The following PRR14L variants were observed in gnomAD, a reference collection of about 807,000 sequenced individuals.
PRR14L encodes protein PRR14L.
Under a neutral mutation model 155.0 loss-of-function variants are expected in PRR14L, and 80 were observed. That is an observed-to-expected ratio of 0.52 (90% CI 0.43 to 0.62). The LOEUF (loss-of-function observed/expected upper bound fraction) is 0.62, where lower values mean the gene tolerates loss of function less well. PRR14L is among the 20% of genes least tolerant of loss of function. PRR14L has a pLI of 0.00. For synonymous variants in PRR14L, 883 were observed against 916.0 expected (o/e 0.96, Z 0.65); for missense variants, 2,469 against 2,548.0 (o/e 0.97, Z 0.67).
chr22:31,735,028 T>C (rs1435917058), intron 2 of PRR14L, among the ~76,000 whole-genome samples: 1 of 152,266 alleles, frequency 6.6e-6, no homozygotes, highest in African/African-American at 2.4e-5. Context: ...GAGATCACTT[T>C]TTGAAACTGA....
chr22:31,712,582 G>C lies in PRR14L; in HGVS notation c.5257C>G (p.Leu1753Val), dbSNP rs1306155004. The change falls in exon 4 of 9, where the codon CTC becomes GTC. Residue 1753 changes from leucine (L) to valine (V), a missense_variant. By Grantham distance (32) the Leu-to-Val change is conservative. This residue lies in a region of PRR14L where 2,363 missense variants were observed against 2,371.6 expected (regional missense o/e 1.00). Transcript: ENST00000327423. The part of the protein sequence containing the change: ...APARLALGEA[L>V]QCPSQPPKWT... ...TTGGGAGGTTGAGACGGGCACTGGA[G>C]GGCCTCTCCTAAGGCAAGCCTTGCC... The C allele has an allele frequency of 6.4e-7, 1 of 1,551,602 alleles. No homozygotes were observed. Among genetic ancestry groups the C allele is most frequent in the Admixed American group, 2.0e-5 (1 of 50,984 alleles).
rs2074638638 is a variant in PRR14L, at chr22:31,713,926, C to T, written c.3913G>A (p.Glu1305Lys). The T allele has an allele frequency of 1.3e-6, 2 of 1,551,858 alleles. No individual in the cohort carries two copies. Among genetic ancestry groups the T allele is most frequent in the South Asian group, 1.2e-5 (1 of 84,062 alleles). ...TGACAAGCTTTGCAAGCATTCTTTT[C>T]CACACAGGTACATACGCTGTCTCTG... is the stretch of plus-strand genomic sequence containing the variant. ...SDRDSVCTCVEKNACKACHPH... is the reference protein window; with the variant it reads ...SDRDSVCTCVKKNACKACHPH... The change falls in exon 4 of 9, where the codon GAA becomes AAA. Residue 1305 changes from glutamate to lysine, a missense_variant. Physicochemically the swap from Glu to Lys is moderately conservative, Grantham distance 56 (BLOSUM62 1). Coordinates refer to ENST00000327423, the MANE Select transcript of PRR14L (RefSeq NM_173566.3).
rs138329817 is a variant in PRR14L at position 31,720,689 on chromosome 22, C to T, written c.548-3398G>A. Among the ~76,000 whole-genome samples, 1,305 of 152,288 alleles carry T rather than the reference C, an allele frequency of 8.6e-3. 7 individuals carry two copies. Among genetic ancestry groups the T allele is most frequent in the Non-Finnish European group, 0.011 (754 of 68,020 alleles). ...AGCGAAGGTTGCAGTGAGCCAAGAT[C>T]GTGCCACTGCACTGCAGCCTGGGCG... On this transcript the variant is annotated intron_variant, in intron 3 of 8. Coordinates refer to ENST00000327423, the MANE Select transcript of PRR14L (RefSeq NM_173566.3).
chr22:31,725,056 A>C (rs888024412), intron 3 of PRR14L, among the ~76,000 whole-genome samples: 2 of 152,150 alleles, frequency 1.3e-5, no homozygotes, highest in African/African-American at 4.8e-5. Flanking sequence ...AGGCAAATAC[A>C]GTATATTTGA....
At chr22:31,712,015 C>T in intron 4 of PRR14L, 68 bp downstream of exon 4, 1 of 1,413,756 alleles carries the variant, frequency 7.1e-7, no homozygotes, top group South Asian at 1.4e-5. Flanking sequence ...CCCGCAGTTC[C>T]CCTCTCATCT....
At chr22:31,725,735 C>G (rs984505603) in intron 2 of PRR14L, 125 bp from the exon 3 acceptor site, 6 of 623,212 alleles carry the variant, frequency 9.6e-6, no homozygotes, top group African/African-American at 7.4e-5. Context: ...ATGGTTAGAT[C>G]GTGGCTCACT....
intron 1 of PRR14L, among the ~76,000 whole-genome samples, chr22:31,747,706 G>A (rs903777696): frequency 6.6e-5 from 10 of 151,462 alleles, no homozygotes; most frequent in East Asian, 3.9e-4. Context: ...ATTACTCAAC[G>A]GCGTTTGAGG....
chr22:31,711,981 A>C, intron 4 of PRR14L, 102 bp downstream of exon 4: 1 of 1,084,824 alleles, frequency 9.2e-7, no homozygotes, highest in Non-Finnish European at 1.3e-6. Flanking sequence ...CAGACCCAAG[A>C]GGACTCTAAA....
At chr22:31,734,484 A>G (rs925114235) in intron 2 of PRR14L, among the ~76,000 whole-genome samples, 1 of 152,166 alleles carries the variant, frequency 6.6e-6, no homozygotes, top group African/African-American at 2.4e-5. Context: ...CAAATCTGAA[A>G]TGGTATGCAA....
At chr22:31,707,005 C>T (rs543303686) in intron 4 of PRR14L, among the ~76,000 whole-genome samples, 2 of 151,604 alleles carry the variant, frequency 1.3e-5, no homozygotes, top group African/African-American at 4.8e-5. Context: ...GCTGAGATCG[C>T]GCCACTGCAC....
chr22:31,737,338 G>A lies in PRR14L; in HGVS notation c.474+1049C>T, dbSNP rs114169304. ...TCTACTAAAACTACAAAAATTAGCC[G>A]GGCGTAATGGTAGGTGCCTATAATC... On this transcript the variant is annotated intron_variant, in intron 2 of 8. Coordinates refer to ENST00000327423, the MANE Select transcript of PRR14L (RefSeq NM_173566.3). Among the ~76,000 whole-genome samples, 337 of 151,942 alleles carry A rather than the reference G, an allele frequency of 2.2e-3. 2 individuals carry two copies. Among genetic ancestry groups the A allele is most frequent in the African/African-American group, 7.9e-3 (326 of 41,474 alleles).
In PRR14L at chr22:31,713,658, A is replaced by T. The variant is rs565709454; in HGVS notation, c.4181T>A (p.Val1394Asp). ...NHAEKQQSPE[V>D]LDYMLQKEEK... ...TTCTTTCTGCAACATGTAGTCCAAAACCTCAGGGCTCTGCTGTTTTTCAGC... is the reference window on the plus strand; with the variant it reads ...TTCTTTCTGCAACATGTAGTCCAAATCCTCAGGGCTCTGCTGTTTTTCAGC... The change falls in exon 4 of 9, where the codon GTT (valine) becomes GAT (aspartate). Residue 1394 changes from valine (V) to aspartate (D), a missense_variant. Val to Asp is a radical substitution (Grantham distance 152). Around this residue, in one of 2 missense-constraint regions of PRR14L, gnomAD observed 2,363 missense variants for 2,371.6 expected, o/e 1.00. Transcript: ENST00000327423. 892 of 1,551,810 alleles carry T rather than the reference A, an allele frequency of 5.7e-4. 13 individuals carry two copies. In the South Asian group the frequency reaches 8.1e-3, roughly 14 times the overall value.
Position 31,714,197 on chromosome 22 carries a change from A to G in PRR14L, c.3642T>C (p.Phe1214=). ...ACATCGACTCTTTTGAGGAAATTCC[A>G]AAGGTACTTTCTTTGCCAAACTCAG... ...PNSEFGKEST[F]GISSKESMSC... The change falls in exon 4 of 9, where the codon TTT becomes TTC. Residue 1214 remains phenylalanine, a synonymous_variant. Transcript: ENST00000327423. The G allele has an allele frequency of 6.4e-7, 1 of 1,551,620 alleles. No homozygotes were observed. Among genetic ancestry groups the G allele is most frequent in the Non-Finnish European group, 8.7e-7 (1 of 1,146,960 alleles).
At chr22:31,734,263 A>G (rs131251) in intron 2 of PRR14L, among the ~76,000 whole-genome samples, 19,829 of 152,018 alleles carry the variant, frequency 0.13, 1,613 homozygotes, top group African/African-American at 0.22. Context: ...GAGCCACCAC[A>G]CCTAGCCCAA....
chr22:31,739,816 T>C (rs1201460637), intron 1 of PRR14L, among the ~76,000 whole-genome samples: 3 of 152,202 alleles, frequency 2.0e-5, no homozygotes, highest in Non-Finnish European at 4.4e-5. Flanking sequence ...TCTATGCAGT[T>C]TGTAATACTG....
intron 7 of PRR14L, among the ~76,000 whole-genome samples, chr22:31,688,651 G>T (rs1601490250): frequency 6.6e-6 from 1 of 151,858 alleles, no homozygotes; most frequent in African/African-American, 2.4e-5. Flanking sequence ...GATATATTTA[G>T]ATTTATATAT....
In PRR14L at chr22:31,713,298, C is replaced by G. The variant is rs944922505; in HGVS notation, c.4541G>C (p.Gly1514Ala). The G allele has an allele frequency of 1.9e-6, 3 of 1,552,128 alleles. No individual in the cohort carries two copies. The African/African-American group carries it at 4.1e-5, about 21-fold the overall frequency. The part of the protein sequence containing the change: ...DQIHGAFAKK[G>A]VLPLKKQPHR... The stretch of plus-strand genomic sequence containing the variant: ...GGGCTGCTTCTTTAAGGGAAGAACT[C>G]CTTTCTTCGCAAAGGCACCATGTAT... Residue 1514 changes from glycine (G) to alanine (A), a missense_variant, in exon 4 of 9, where the codon GGA (glycine) becomes GCA (alanine). Coordinates refer to ENST00000327423, the MANE Select transcript of PRR14L (RefSeq NM_173566.3).
At chr22:31,743,830 ACC>A (rs2074824726) in intron 1 of PRR14L, among the ~76,000 whole-genome samples, 2 of 151,434 alleles carry the variant, frequency 1.3e-5, no homozygotes, top group South Asian at 4.2e-4. Context: ...CCTGACCTTG[ACC>A]CCAACCTTTC....
intron 1 of PRR14L, among the ~76,000 whole-genome samples, chr22:31,740,022 T>C (rs1048700852): frequency 1.3e-5 from 2 of 152,074 alleles, no homozygotes; most frequent in African/African-American, 2.4e-5. Context: ...TGCTTTGACC[T>C]GACCAAAGCA....
Sources: allele counts gnomAD v4.1 joint callset (sites outside exome capture counted in the v4.1 genomes callset), GRCh38; gene constraint gnomAD v4.1.1; regional missense constraint gnomAD v4.1.1; transcripts MANE v1.5; gene names NCBI Gene and HGNC (gene_info 2026-07-23, HGNC 2026-07-21).